Variants in ZNF518A observed in about 807,000 individuals in gnomAD.
ZNF518A encodes the protein zinc finger protein 518A.
Under a neutral mutation model 102.7 loss-of-function variants are expected in ZNF518A, and 47 were observed. The ratio of observed to expected loss-of-function variants is 0.46; its 90% CI spans 0.36 to 0.58. ZNF518A has a LOEUF of 0.58. ZNF518A is among the 20% of genes least tolerant of loss of function. The pLI is 0.00. For synonymous variants in ZNF518A, 652 were observed against 594.6 expected (o/e 1.10, Z -1.40); for missense variants, 1,793 against 1,699.8 (o/e 1.05, Z -0.96).
chr10:96,204,525 T>G (rs781961037), downstream of ZNF518A: 4 of 1,613,754 alleles, frequency 2.5e-6, no homozygotes, highest in East Asian at 8.9e-5. Flanking sequence ...AAGGAAAGGA[T>G]TCTTACTTCT....
chr10:96,134,881 A>G (rs782027094), intron 3 of ZNF518A, among the ~76,000 whole-genome samples: 2 of 149,754 alleles, frequency 1.3e-5, no homozygotes, highest in African/African-American at 4.9e-5. Context: ...CTTATCGTCA[A>G]TTCCTGATTA....
chr10:96,153,762 C>G (rs782568982), intron 3 of ZNF518A, among the ~76,000 whole-genome samples: 12 of 152,056 alleles, frequency 7.9e-5, no homozygotes, highest in Non-Finnish European at 1.6e-4. Context: ...CATGAAAACT[C>G]GAGTAGCACA....
At chr10:96,204,142 T>A, downstream of ZNF518A, 6 of 1,593,966 alleles carry the variant, frequency 3.8e-6, no homozygotes, top group Non-Finnish European at 5.2e-6. Flanking sequence ...TGAGTAAGTT[T>A]GACTTTTTGT....
chr10:96,159,136 C>A lies in ZNF518A; in HGVS notation c.2814C>A (p.Phe938Leu). ...KTIIVQTSKGFLIPLNITNKP... is the reference protein window; with the variant it reads ...KTIIVQTSKGLLIPLNITNKP... ...TAATTGTTCAGACTTCAAAAGGATT[C>A]TTAATACCATTGAACATTACTAACA... The change falls in exon 6 of 6, where the codon TTC becomes TTA. Residue 938 changes from phenylalanine (F) to leucine (L), a missense_variant. Transcript: ENST00000316045. The A allele has an allele frequency of 6.2e-7, 1 of 1,612,818 alleles. No individual in the cohort carries two copies. The highest frequency in any genetic ancestry group is 8.5e-7 in the Non-Finnish European group (1 of 1,179,560).
intron 3 of ZNF518A, among the ~76,000 whole-genome samples, chr10:96,137,011 A>G (rs1328605076): frequency 3.3e-5 from 5 of 152,276 alleles, no homozygotes; most frequent in Non-Finnish European, 5.9e-5. Context: ...GTGTGGCTGT[A>G]TTCCAGTGAA....
At chr10:96,168,122 A>G (rs782298525), downstream of ZNF518A, among the ~76,000 whole-genome samples, 1 of 152,236 alleles carries the variant, frequency 6.6e-6, no homozygotes, top group Non-Finnish European at 1.5e-5. Flanking sequence ...ACGAACAGAT[A>G]TACATTGTCT....
rs1325130740 is a variant in ZNF518A, at chr10:96,149,228, AGAT to A, written c.-301-6096_-301-6094del. On this transcript the variant is annotated intron_variant, in intron 3 of 5. Transcript: ENST00000316045. ...ACTTACCTTGTCATGGACTGGTGATAGATGGCTTATGGGCCATCAGCAGACCAT... is the reference window on the plus strand; with the variant it reads ...ACTTACCTTGTCATGGACTGGTGATAGGCTTATGGGCCATCAGCAGACCAT... Among the ~76,000 whole-genome samples, 5 of 152,340 alleles carry A rather than the reference AGAT, an allele frequency of 3.3e-5. No individual in the cohort carries two copies. In the East Asian group the frequency reaches 9.6e-4, roughly 29 times the overall value.
intron 1 of ZNF518A, among the ~76,000 whole-genome samples, chr10:96,172,115 G>T (rs186811036): frequency 1.1e-3 from 168 of 152,168 alleles, no homozygotes; most frequent in African/African-American, 3.9e-3. Flanking sequence ...AATACTAAAA[G>T]TTCTTAAGAC....
At chr10:96,185,753 G>GC (rs1327525676) in intron 1 of ZNF518A, among the ~76,000 whole-genome samples, 3 of 152,156 alleles carry the variant, frequency 2.0e-5, no homozygotes, top group Non-Finnish European at 4.4e-5. Flanking sequence ...TCCCAGTTAG[G>GC]CTACACAGGG....
chr10:96,146,000 T>C (rs587736272), intron 3 of ZNF518A, among the ~76,000 whole-genome samples: 1 of 152,350 alleles, frequency 6.6e-6, no homozygotes, highest in East Asian at 1.9e-4. Flanking sequence ...CATTTTTGTA[T>C]GTGTATTCTT....
At chr10:96,142,308 GT>G (rs2081967820) in intron 3 of ZNF518A, among the ~76,000 whole-genome samples, 1,166 of 94,280 alleles carry the variant, frequency 0.012, 18 homozygotes, top group African/African-American at 0.061. Context: ...TTCTTAGGGT[GT>G]GTGTGTGTGT....
Position 96,158,172 on chromosome 10 carries a change from A to G in ZNF518A, c.1850A>G (p.Asn617Ser). The change falls in exon 6 of 6, where the codon AAT becomes AGT. Residue 617 changes from asparagine to serine, a missense_variant. Asn to Ser is a conservative substitution (Grantham distance 46). Coordinates refer to ENST00000316045, the MANE Select transcript of ZNF518A (RefSeq NM_001330736.2). ...PNAYNSGDMHNYCINYGNCEL... is the reference protein window; with the variant it reads ...PNAYNSGDMHSYCINYGNCEL... Reference sequence around the variant, plus strand: ...GCATACAACAGTGGAGATATGCATAATTATTGCATTAATTATGGCAACTGT... The same window carrying G: ...GCATACAACAGTGGAGATATGCATAGTTATTGCATTAATTATGGCAACTGT... 6.2e-7 allele frequency: 1 copy of G among 1,613,650 alleles called. No individual in the cohort carries two copies. Among genetic ancestry groups the G allele is most frequent in the African/African-American group, 1.3e-5 (1 of 75,060 alleles).
chr10:96,199,569 G>C (rs1554895566), intron 1 of ZNF518A: 1 of 457,258 alleles, frequency 2.2e-6, no homozygotes, highest in Admixed American at 2.3e-5. Context: ...AAATGAGATG[G>C]AGGAACTTGA....
chr10:96,197,167 G>C (rs1019427725), intron 1 of ZNF518A: 2 of 837,474 alleles, frequency 2.4e-6, no homozygotes, highest in African/African-American at 3.5e-5. Flanking sequence ...CATTCCAAAG[G>C]TAAATTATTT....
chr10:96,148,227 G>A (rs934625483), intron 3 of ZNF518A, among the ~76,000 whole-genome samples: 1 of 152,142 alleles, frequency 6.6e-6, no homozygotes, highest in Non-Finnish European at 1.5e-5. Flanking sequence ...ATCACCTGAG[G>A]TTGGGAGTTC....
chr10:96,174,211 CAA>C (rs138725708), intron 1 of ZNF518A, among the ~76,000 whole-genome samples: 14,525 of 151,252 alleles, frequency 0.096, 852 homozygotes, highest in Middle Eastern at 0.15. Context: ...CCACAATAAA[CAA>C]GAAGAAAGAT....
intron 1 of ZNF518A, chr10:96,191,981 C>T (rs1564807644): frequency 1.2e-6 from 2 of 1,613,562 alleles, no homozygotes; most frequent in Non-Finnish European, 1.7e-6. Flanking sequence ...CTTTATGAAA[C>T]TTTAACTGCA....
intron 1 of ZNF518A, chr10:96,189,728 C>G: frequency 1.4e-6 from 1 of 723,050 alleles, no homozygotes; most frequent in South Asian, 1.4e-5. Context: ...TCATCATCAT[C>G]ATCATCTTCA....
At chr10:96,171,412 G>A (rs1454193503) in intron 1 of ZNF518A, among the ~76,000 whole-genome samples, 1 of 152,126 alleles carries the variant, frequency 6.6e-6, no homozygotes, top group Non-Finnish European at 1.5e-5. Context: ...GAAGCATTAG[G>A]TTAAGTGAAA....
Sources: allele counts gnomAD v4.1 joint callset (sites outside exome capture counted in the v4.1 genomes callset), GRCh38; gene constraint gnomAD v4.1.1; transcripts MANE v1.5; gene names NCBI Gene and HGNC (gene_info 2026-07-23, HGNC 2026-07-21).